AFF3: variants seen among roughly 807,000 people sequenced by gnomAD.
AFF3 encodes the protein ALF transcription elongation factor 3.
A neutral mutation model predicts 129.7 loss-of-function variants in AFF3; 32 were observed. The observed-to-expected ratio is 0.25, with a 90% confidence interval of 0.19 to 0.33. AFF3 has a LOEUF of 0.33. AFF3 is among the 10% of genes least tolerant of loss of function. The pLI is 1.00. For missense variants in AFF3, 1,373 were observed against 1,592.0 expected, an observed-to-expected ratio of 0.86 and a Z score of 2.34; for synonymous variants, 644 against 635.4, an observed-to-expected ratio of 1.01 and a Z score of -0.20.
intron 7 of AFF3, among the ~76,000 whole-genome samples, chr2:100,005,186 C>T (rs1051545017): frequency 2.6e-5 from 4 of 152,158 alleles, no homozygotes; most frequent in African/African-American, 9.7e-5. Context: ...ACCCAAAAGC[C>T]TCATAAAAAC....
intron 7 of AFF3, among the ~76,000 whole-genome samples, chr2:99,947,606 A>G (rs1253800806): frequency 4.0e-5 from 2 of 50,484 alleles, no homozygotes; most frequent in African/African-American, 1.8e-4. Flanking sequence ...AAAGAAAGAT[A>G]GATAGATAGA....
At chr2:99,780,970 A>G (rs1281568778) in intron 8 of AFF3, among the ~76,000 whole-genome samples, 1 of 152,132 alleles carries the variant, frequency 6.6e-6, no homozygotes, top group South Asian at 2.1e-4. Flanking sequence ...AAAACAGATC[A>G]TGTCAGTCTT....
At chr2:100,113,461 A>G (rs1021350372) in intron 2 of AFF3, among the ~76,000 whole-genome samples, 1 of 152,240 alleles carries the variant, frequency 6.6e-6, no homozygotes, top group Admixed American at 6.5e-5. Flanking sequence ...TGTTGTTTTA[A>G]TATGCTTAGT....
At chr2:99,962,749 G>A (rs759369540) in intron 7 of AFF3, among the ~76,000 whole-genome samples, 4 of 150,482 alleles carry the variant, frequency 2.7e-5, no homozygotes, top group Admixed American at 6.6e-5. Flanking sequence ...TGTCTTTTCC[G>A]TTTTTTTTAA....
chr2:99,672,772 T>C (rs995591450), intron 11 of AFF3, among the ~76,000 whole-genome samples, 183 bp from the exon 12 acceptor site: 14 of 152,208 alleles, frequency 9.2e-5, no homozygotes, highest in Non-Finnish European at 1.5e-4. Flanking sequence ...TAGGAAATAG[T>C]AGACAGCCCC....
chr2:99,763,333 AAAAC>A (rs747129795), intron 8 of AFF3, among the ~76,000 whole-genome samples: 10 of 152,250 alleles, frequency 6.6e-5, no homozygotes, highest in South Asian at 2.1e-4. Flanking sequence ...TCTACAGTAA[AAAAC>A]AAACAAACCT....
At chr2:99,642,115 C>T (rs1467838737) in intron 13 of AFF3, among the ~76,000 whole-genome samples, 2 of 152,154 alleles carry the variant, frequency 1.3e-5, no homozygotes, top group Admixed American at 1.3e-4. Flanking sequence ...TAAGTCATGT[C>T]AACGGTACGA....
intron 7 of AFF3, among the ~76,000 whole-genome samples, chr2:99,987,293 T>A (rs894999879): frequency 2.0e-5 from 3 of 152,230 alleles, no homozygotes; most frequent in African/African-American, 7.2e-5. Context: ...GGTCCTCATT[T>A]ATAAGCGAAA....
intron 7 of AFF3, among the ~76,000 whole-genome samples, chr2:99,864,290 G>A (rs940091492): frequency 3.3e-5 from 5 of 152,054 alleles, no homozygotes; most frequent in Non-Finnish European, 7.4e-5. Context: ...TCCATTCTGG[G>A]TCCCTGATAA....
chr2:99,617,502 T>C (rs1681556579), intron 13 of AFF3, among the ~76,000 whole-genome samples: 1 of 152,348 alleles, frequency 6.6e-6, no homozygotes, highest in South Asian at 2.1e-4. Flanking sequence ...AAACTTATAA[T>C]TGAGTTATAT....
chr2:99,941,967 C>T (rs1675081865), intron 7 of AFF3, among the ~76,000 whole-genome samples: 1 of 152,218 alleles, frequency 6.6e-6, no homozygotes, highest in African/African-American at 2.4e-5. Flanking sequence ...TCACAGACAA[C>T]TGCAATTCCT....
At chr2:99,654,743 G>A (rs1685593473) in intron 12 of AFF3, among the ~76,000 whole-genome samples, 1 of 152,176 alleles carries the variant, frequency 6.6e-6, no homozygotes, top group Non-Finnish European at 1.5e-5. Flanking sequence ...TCCAGTCTAT[G>A]AGACAAAACA....
chr2:99,576,520 A>G (rs78937239), intron 18 of AFF3, among the ~76,000 whole-genome samples: 1 of 151,338 alleles, frequency 6.6e-6, no homozygotes, highest in East Asian at 1.9e-4. Flanking sequence ...TGTCTCAAAA[A>G]AAAAAAAAAA....
intron 13 of AFF3, among the ~76,000 whole-genome samples, chr2:99,611,147 G>T (rs1680879163): frequency 6.6e-6 from 1 of 152,100 alleles, no homozygotes; most frequent in Admixed American, 6.6e-5. Flanking sequence ...ATTTCTATTT[G>T]CCTTTTCCTT....
At chr2:99,639,949 C>T (rs1005430236) in intron 13 of AFF3, among the ~76,000 whole-genome samples, 4 of 152,034 alleles carry the variant, frequency 2.6e-5, no homozygotes, top group African/African-American at 9.7e-5. Context: ...TCCTAAAGTG[C>T]TGGGATTACA....
At chr2:99,833,410 T>C (rs4851235) in intron 8 of AFF3, among the ~76,000 whole-genome samples, 133,947 of 152,230 alleles carry the variant, frequency 0.88, 59,082 homozygotes, top group African/African-American at 0.95. Flanking sequence ...TAAATATTCC[T>C]TAAGAATATT....
At chr2:100,015,803 G>T (rs529524376) in intron 4 of AFF3, among the ~76,000 whole-genome samples, 1 of 152,310 alleles carries the variant, frequency 6.6e-6, no homozygotes, top group South Asian at 2.1e-4. Flanking sequence ...CTCCCAACTG[G>T]AGTCTTTTGA....
At chr2:99,726,923 C>A in intron 11 of AFF3, 154 bp downstream of exon 11, 1 of 677,460 alleles carries the variant, frequency 1.5e-6, no homozygotes, top group Non-Finnish European at 2.3e-6. Context: ...AATGCATCTG[C>A]ACCCAAAGCA....
rs58622981 is a variant in AFF3, at chr2:99,579,746, G to GTA, written c.2794-1297_2794-1296dup. Among the ~76,000 whole-genome samples the GTA allele has an allele frequency of 8.9e-3, 1,345 of 150,696 alleles. 13 individuals are homozygous for GTA. Among genetic ancestry groups the GTA allele is most frequent in the African/African-American group, 0.027 (1,096 of 41,254 alleles). On this transcript the variant is annotated intron_variant, in intron 17 of 24. Transcript: ENST00000672756. Reference sequence around the variant, plus strand: ...TATATATGTATACATATGTGTGTGTGTATATATATATATATGGAACACACT... The same window carrying GTA: ...TATATATGTATACATATGTGTGTGTGTATATATATATATATATGGAACACACT...
Sources: gnomAD v4.1 joint callset for allele counts (sites outside exome capture counted in the v4.1 genomes callset) on GRCh38, gnomAD v4.1.1 for gene constraint, MANE v1.5 for transcripts, NCBI Gene and HGNC (gene_info 2026-07-23, HGNC 2026-07-21) for gene names.